DOCK3: variants seen among roughly 807,000 people sequenced by gnomAD.
The protein encoded by DOCK3 is dedicator of cytokinesis protein 3.
In DOCK3, 60 loss-of-function variants were observed where a neutral mutation model predicts 265.6. The observed-to-expected ratio is 0.23, with a 90% CI of 0.18 to 0.28. The LOEUF (loss-of-function observed/expected upper bound fraction) is 0.28, where lower values mean the gene tolerates loss of function less well. Ranked by LOEUF, DOCK3 falls within the 10% of genes least tolerant of loss-of-function variation. DOCK3 has a pLI of 1.00. For synonymous variants in DOCK3, 881 were observed against 938.0 expected, an observed-to-expected ratio of 0.94 and a Z score of 1.11; for missense variants, 1,981 against 2,594.3, an observed-to-expected ratio of 0.76 and a Z score of 5.14.
At chr3:50,722,792 G>A (rs1215174817) in intron 1 of DOCK3, among the ~76,000 whole-genome samples, 1 of 124,816 alleles carries the variant, frequency 8.0e-6, no homozygotes, top group Admixed American at 8.2e-5. Context: ...TTTCTCTTGA[G>A]ACAGGGTCTG....
chr3:50,859,302 G>A (rs1352863995), intron 3 of DOCK3, among the ~76,000 whole-genome samples: 1 of 138,340 alleles, frequency 7.2e-6, no homozygotes, highest in African/African-American at 2.7e-5. Context: ...TGCAGCCTCT[G>A]CCTCCCAGGT....
At chr3:50,918,321 T>C (rs1212318538) in intron 4 of DOCK3, among the ~76,000 whole-genome samples, 2 of 152,202 alleles carry the variant, frequency 1.3e-5, no homozygotes, top group African/African-American at 4.8e-5. Context: ...TCTAGATCCT[T>C]GAGGAATCGC....
chr3:50,935,439 A>C (rs1214309514), intron 5 of DOCK3, among the ~76,000 whole-genome samples: 1 of 152,016 alleles, frequency 6.6e-6, no homozygotes, highest in Non-Finnish European at 1.5e-5. Flanking sequence ...TTAAACTTTC[A>C]CCCCCTACCC....
chr3:51,146,720 GT>G, intron 10 of DOCK3, 90 bp downstream of exon 10: 2 of 1,207,678 alleles, frequency 1.7e-6, no homozygotes, highest in Non-Finnish European at 2.4e-6. Flanking sequence ...CAAGCATTTA[GT>G]CTTATTTCCA....
At chr3:51,142,925 T>C (rs1230639288) in intron 9 of DOCK3, among the ~76,000 whole-genome samples, 2 of 152,122 alleles carry the variant, frequency 1.3e-5, no homozygotes, top group Non-Finnish European at 2.9e-5. Flanking sequence ...TCTCTCTTGT[T>C]GCCCGGGCTG....
Position 50,741,859 on chromosome 3 carries a change from C to T in DOCK3, c.38-36816C>T, listed in dbSNP as rs186143341. ...CCTGAGGAATCACCACATTGACTTCCACAAGGGTTGAACTAGTTTACAGTC... is the reference window on the plus strand; with the variant it reads ...CCTGAGGAATCACCACATTGACTTCTACAAGGGTTGAACTAGTTTACAGTC... On this transcript the variant is annotated intron_variant, in intron 1 of 52. Transcript: ENST00000266037. Among the ~76,000 whole-genome samples the T allele has an allele frequency of 1.5e-3, 235 of 152,274 alleles. 2 individuals are homozygous for T. The highest frequency in any genetic ancestry group is 5.3e-3 in the African/African-American group (221 of 41,552).
intron 12 of DOCK3, among the ~76,000 whole-genome samples, chr3:51,162,487 A>G (rs1156880383): frequency 6.6e-6 from 1 of 152,092 alleles, no homozygotes; most frequent in Non-Finnish European, 1.5e-5. Flanking sequence ...CAAATCCCCA[A>G]ATTGATGGGT....
chr3:50,872,930 G>A (rs1368520202), intron 3 of DOCK3, among the ~76,000 whole-genome samples: 2 of 152,162 alleles, frequency 1.3e-5, no homozygotes, highest in African/African-American at 2.4e-5. Context: ...CACCTTCATG[G>A]CAGTGGGCTC....
At chr3:50,917,681 T>C (rs1401073132) in intron 4 of DOCK3, among the ~76,000 whole-genome samples, 2 of 152,082 alleles carry the variant, frequency 1.3e-5, no homozygotes, top group Non-Finnish European at 2.9e-5. Flanking sequence ...TAATATTGTT[T>C]GTTTTCTATC....
At position 51,096,984 on chromosome 3, in the gene DOCK3, G is replaced by A. The variant is rs758337171; in HGVS notation, c.746+6600G>A. 3.3e-5 allele frequency among the ~76,000 whole-genome samples: 5 copies of A among 152,164 alleles called. No homozygotes were observed. The East Asian group carries it at 5.8e-4, about 18-fold the overall frequency. Reference sequence around the variant, plus strand: ...CAATGTTCCTTCCTCTGGAAGCTTCGTCCCAGAGGGGCACCCACCAGATGC... The same window carrying A: ...CAATGTTCCTTCCTCTGGAAGCTTCATCCCAGAGGGGCACCCACCAGATGC... On this transcript the variant is annotated intron_variant, in intron 9 of 52. Transcript: ENST00000266037.
chr3:51,370,612 T>C (rs2087601976), intron 49 of DOCK3, among the ~76,000 whole-genome samples: 1 of 152,256 alleles, frequency 6.6e-6, no homozygotes. Flanking sequence ...CCTGCATGGC[T>C]CTTGCCACGG....
Position 51,381,173 on chromosome 3 carries a change from C to T in DOCK3, c.5707C>T (p.His1903Tyr). The T allele has an allele frequency of 6.2e-7, 1 of 1,613,910 alleles. No individual in the cohort carries two copies. Among genetic ancestry groups the T allele is most frequent in the Non-Finnish European group, 8.5e-7 (1 of 1,179,866 alleles). ...CTCCTTGAGTGAGAGTAACTTTGGG[C>T]ACTCCTCGGAGGCCCCACCTCGCAC... is the stretch of plus-strand genomic sequence containing the variant. ...VSSLSESNFG[H>Y]SSEAPPRTDT... The change falls in exon 53 of 53, where the codon CAC (histidine) becomes TAC (tyrosine). Residue 1903 changes from histidine to tyrosine, a missense_variant. Physicochemically the swap from His to Tyr is moderately conservative, Grantham distance 83 (BLOSUM62 2). This residue lies in a region of DOCK3 where 1,357 missense variants were observed against 1,866.8 expected (regional missense o/e 0.73). Coordinates refer to ENST00000266037, the MANE Select transcript of DOCK3 (RefSeq NM_004947.5). This position sits in a 1 kb window ranked among gnomAD's most constrained non-coding sequence, Gnocchi z 5.6.
intron 5 of DOCK3, among the ~76,000 whole-genome samples, chr3:51,033,788 G>A (rs932238679): frequency 2.0e-5 from 3 of 152,156 alleles, no homozygotes; most frequent in Non-Finnish European, 2.9e-5. Flanking sequence ...GTCTGTGGCT[G>A]TAGGCTTCAT....
chr3:51,230,025 G>A (rs186344307), intron 19 of DOCK3, among the ~76,000 whole-genome samples: 1 of 152,260 alleles, frequency 6.6e-6, no homozygotes, highest in East Asian at 1.9e-4. Flanking sequence ...ATGTCCTCCA[G>A]TTGTATCCAT....
intron 1 of DOCK3, among the ~76,000 whole-genome samples, chr3:50,757,761 T>A (rs936285278): frequency 6.6e-6 from 1 of 152,216 alleles, no homozygotes; most frequent in African/African-American, 2.4e-5. Flanking sequence ...AGGTTTAAAC[T>A]TTTTTGAGAT....
intron 4 of DOCK3, chr3:50,893,358 C>A (rs1430176555): frequency 3.6e-5 from 6 of 164,732 alleles, no homozygotes; most frequent in Middle Eastern, 5.6e-4. Flanking sequence ...AGAATACAGG[C>A]AACTAAATTA....
Position 50,687,217 on chromosome 3 carries a change from G to GA in DOCK3, c.37+11928dup, listed in dbSNP as rs1264476252. ...GGCAACAGGGTGAGAGTCCATCACA[G>GA]AAAAAAAAAAAGAAAAAAAAATCTC... On this transcript the variant is annotated intron_variant, in intron 1 of 52. Transcript: ENST00000266037. Among the ~76,000 whole-genome samples, 76 of 143,336 alleles carry GA rather than the reference G, an allele frequency of 5.3e-4. 1 individual carries two copies. Among genetic ancestry groups the GA allele is most frequent in the Middle Eastern group, 3.6e-3 (1 of 276 alleles). The allele number at this position is 143,336 out of a possible 152,430, so 94.0% of individuals were successfully genotyped here.
chr3:51,147,574 A>C (rs949194189), intron 10 of DOCK3, among the ~76,000 whole-genome samples: 1 of 152,142 alleles, frequency 6.6e-6, no homozygotes, highest in Admixed American at 6.5e-5. Flanking sequence ...CCCACCTATC[A>C]GTGAGAACAT....
intron 9 of DOCK3, among the ~76,000 whole-genome samples, chr3:51,113,981 T>C (rs545960794): frequency 6.6e-6 from 1 of 152,154 alleles, no homozygotes; most frequent in Admixed American, 6.5e-5. Flanking sequence ...TGGTGGCACA[T>C]GCTTGTAGTC....
Sources: gnomAD v4.1 joint callset for allele counts (sites outside exome capture counted in the v4.1 genomes callset) on GRCh38, gnomAD v4.1.1 for gene constraint, gnomAD v4.1.1 regional missense constraint, Gnocchi (gnomAD v3.1) non-coding constraint, MANE v1.5 for transcripts, NCBI Gene and HGNC (gene_info 2026-07-23, HGNC 2026-07-21) for gene names.